The following LMNTD1 variants were observed in gnomAD, a reference collection of about 807,000 sequenced individuals.
LMNTD1 encodes lamin tail domain-containing protein 1.
LMNTD1 carries 35 observed loss-of-function variants against 50.9 expected under a neutral mutation model. That is an observed-to-expected ratio of 0.69 (90% confidence interval 0.53 to 0.91). LMNTD1 has a LOEUF of 0.91. Ranked by LOEUF, LMNTD1 falls within the 40% of genes least tolerant of loss-of-function variation. LMNTD1 has a pLI of 0.00. For missense variants in LMNTD1, 470 were observed against 475.5 expected (o/e 0.99, Z 0.11); for synonymous variants, 153 against 161.9 (o/e 0.94, Z 0.42).
In LMNTD1 at chr12:25,553,117, T is replaced by C. The variant is rs918917119; in HGVS notation, c.-79A>G. The C allele has an allele frequency of 8.7e-6, 14 of 1,612,762 alleles. No individual in the cohort carries two copies. In the South Asian group the frequency reaches 1.2e-4, roughly 14 times the overall value. On this transcript the variant is annotated 5_prime_UTR_variant, in exon 1 of 10. It removes the in-frame stop codon of an upstream open reading frame in the 5' UTR. Transcript: ENST00000458174. ...CATCAGCTAGGTTTAATAATTTCTT[T>C]ACCAAACTAGTACCAGAACCACAAT... is the stretch of plus-strand genomic sequence containing the variant.
intron 1 of LMNTD1, among the ~76,000 whole-genome samples, chr12:25,560,676 G>A (rs930580105): frequency 1.3e-5 from 2 of 152,184 alleles, no homozygotes; most frequent in African/African-American, 2.4e-5. Context: ...CTATCCATGA[G>A]CACCAAATCT....
chr12:25,546,358 C>A lies in LMNTD1; in HGVS notation c.491+16G>T. The stretch of plus-strand genomic sequence containing the variant: ...CCCCGACAGAAGATACTAAGTAGTT[C>A]AAATAAAATATGTACCTGGAGGTAA... On this transcript the variant is annotated intron_variant, in intron 4 of 9. Coordinates refer to ENST00000458174, the MANE Select transcript of LMNTD1 (RefSeq NM_001145728.2). The A allele has an allele frequency of 2.6e-6, 4 of 1,528,296 alleles. No homozygotes were observed. Among genetic ancestry groups the A allele is most frequent in the South Asian group, 2.5e-5 (2 of 79,002 alleles). 94.7% of individuals were successfully genotyped at this position (1,528,296 alleles called of 1,614,324 possible).
chr12:25,504,110 A>G (rs897467627), intron 8 of LMNTD1, among the ~76,000 whole-genome samples: 2 of 152,240 alleles, frequency 1.3e-5, no homozygotes, highest in African/African-American at 4.8e-5. Context: ...AAATTTTGGG[A>G]CACAAAATAT....
intron 8 of LMNTD1, among the ~76,000 whole-genome samples, chr12:25,510,106 TTA>T (rs1221484543): frequency 2.6e-5 from 4 of 152,228 alleles, no homozygotes; most frequent in African/African-American, 7.2e-5. Flanking sequence ...TAGTAAACAT[TTA>T]TGTTTGTTCA....
At chr12:25,519,240 AT>A (rs1941053394) in intron 7 of LMNTD1, among the ~76,000 whole-genome samples, 1 of 152,132 alleles carries the variant, frequency 6.6e-6, no homozygotes, top group African/African-American at 2.4e-5. Flanking sequence ...AGACTTGGGG[AT>A]ACCTCACCTT....
intron 8 of LMNTD1, among the ~76,000 whole-genome samples, chr12:25,507,722 T>G (rs1185484336): frequency 1.3e-5 from 2 of 152,216 alleles, no homozygotes; most frequent in African/African-American, 4.8e-5. Flanking sequence ...AATCCTACTA[T>G]TTGCAGCAGA....
At chr12:25,612,012 C>G (rs1281762842) in intron 1 of LMNTD1, among the ~76,000 whole-genome samples, 1 of 152,116 alleles carries the variant, frequency 6.6e-6, no homozygotes, top group East Asian at 1.9e-4. Flanking sequence ...AAATTTCCAT[C>G]CAGGGATAGA....
chr12:25,512,619 T>A (rs1940389288), intron 8 of LMNTD1, among the ~76,000 whole-genome samples: 1 of 152,038 alleles, frequency 6.6e-6, no homozygotes, highest in Admixed American at 6.6e-5. Context: ...TATAAGGAGG[T>A]GAAAATGTTT....
chr12:25,575,756 G>A (rs979802189), intron 1 of LMNTD1, among the ~76,000 whole-genome samples: 2 of 151,982 alleles, frequency 1.3e-5, no homozygotes, highest in Admixed American at 1.3e-4. Flanking sequence ...TGTTACATAG[G>A]TATACATGTG....
intron 1 of LMNTD1, among the ~76,000 whole-genome samples, chr12:25,578,827 C>A (rs1945147673): frequency 6.6e-6 from 1 of 152,100 alleles, no homozygotes; most frequent in African/African-American, 2.4e-5. Flanking sequence ...TAACTTTGGC[C>A]TTAACAGTAC....
chr12:25,566,965 G>C (rs1944581871), intron 1 of LMNTD1, among the ~76,000 whole-genome samples: 1 of 152,228 alleles, frequency 6.6e-6, no homozygotes, highest in Non-Finnish European at 1.5e-5. Context: ...GAAATTGGGA[G>C]AATGCTAAGG....
At chr12:25,633,432 AG>A (rs1190763363) in intron 1 of LMNTD1, among the ~76,000 whole-genome samples, 1 of 152,196 alleles carries the variant, frequency 6.6e-6, no homozygotes, top group Non-Finnish European at 1.5e-5. Flanking sequence ...AGGCCATAAA[AG>A]GAGCCTCAAT....
At chr12:25,594,039 T>TA in intron 1 of LMNTD1, among the ~76,000 whole-genome samples, 1 of 151,974 alleles carries the variant, frequency 6.6e-6, no homozygotes, top group Non-Finnish European at 1.5e-5. Context: ...AATAAGAAAA[T>TA]ATGAACAAAG....
intron 1 of LMNTD1, among the ~76,000 whole-genome samples, chr12:25,643,343 A>G (rs1050674651): frequency 2.6e-5 from 4 of 152,104 alleles, no homozygotes; most frequent in African/African-American, 9.7e-5. Flanking sequence ...AAGGCCAGAG[A>G]CCCCGACACC....
chr12:25,615,732 A>G (rs1304883062), intron 1 of LMNTD1, among the ~76,000 whole-genome samples: 1 of 152,212 alleles, frequency 6.6e-6, no homozygotes, highest in Non-Finnish European at 1.5e-5. Context: ...AAGTGCTGGG[A>G]CTACAGGTGT....
upstream of LMNTD1, among the ~76,000 whole-genome samples, chr12:25,553,536 C>T (rs1273519137): frequency 6.6e-6 from 1 of 151,786 alleles, no homozygotes; most frequent in Non-Finnish European, 1.5e-5. Context: ...TTAATCACAA[C>T]TCTTTTCTTC....
At chr12:25,591,890 G>T (rs1945711814) in intron 1 of LMNTD1, among the ~76,000 whole-genome samples, 1 of 149,058 alleles carries the variant, frequency 6.7e-6, no homozygotes, top group South Asian at 2.2e-4. Flanking sequence ...TGAGGGAAGA[G>T]AACAATAATC....
rs58304861 is a variant in LMNTD1, at chr12:25,519,587, C to CAAAAAAAAAAAAAA, written c.1016+257_1016+270dup. On this transcript the variant is annotated intron_variant, in intron 7 of 9. Transcript: ENST00000458174. ...TGGGTGACAGAGCGAGACTCTGTCT[C>CAAAAAAAAAAAAAA]AAAAAAAAAAAAAAAAAAAAAGTGA... 7.5e-4 allele frequency among the ~76,000 whole-genome samples: 71 copies of CAAAAAAAAAAAAAA among 94,692 alleles called. 1 individual carries two copies. Among genetic ancestry groups the CAAAAAAAAAAAAAA allele is most frequent in the African/African-American group, 2.5e-3 (50 of 19,934 alleles). 62.1% of individuals were successfully genotyped at this position (94,692 alleles called of 152,430 possible). A position where few individuals can be genotyped will look rare whatever the true frequency, so the allele number is the denominator to read the frequency against.
At chr12:25,482,214 G>A (rs1938469175) in intron 9 of LMNTD1, among the ~76,000 whole-genome samples, 1 of 152,012 alleles carries the variant, frequency 6.6e-6, no homozygotes, top group South Asian at 2.1e-4. Flanking sequence ...TGAACTGGCT[G>A]TGTTTGATTA....
Sources: allele counts gnomAD v4.1 joint callset (sites outside exome capture counted in the v4.1 genomes callset), GRCh38; gene constraint gnomAD v4.1.1; transcripts MANE v1.5; gene names NCBI Gene and HGNC (gene_info 2026-07-23, HGNC 2026-07-21).